AUTS2: variants seen among roughly 807,000 people sequenced by gnomAD.
AUTS2 encodes activator of transcription and developmental regulator AUTS2.
Under a neutral mutation model 112.4 loss-of-function variants are expected in AUTS2, and 17 were observed. The ratio of observed to expected loss-of-function variants is 0.15; its 90% CI spans 0.10 to 0.23. The LOEUF (loss-of-function observed/expected upper bound fraction) is 0.23. Ranked by LOEUF, AUTS2 falls within the 10% of genes least tolerant of loss-of-function variation. The pLI is 1.00. For missense variants in AUTS2, 1,510 were observed against 1,701.6 expected, an observed-to-expected ratio of 0.89 and a Z score of 1.98; for synonymous variants, 751 against 702.7, an observed-to-expected ratio of 1.07 and a Z score of -1.09.
intron 2 of AUTS2, among the ~76,000 whole-genome samples, chr7:70,027,539 G>C (rs541212664): frequency 6.6e-6 from 1 of 152,264 alleles, no homozygotes; most frequent in Non-Finnish European, 1.5e-5. Flanking sequence ...GGAAATGCCT[G>C]AACTAAACTT....
intron 6 of AUTS2, among the ~76,000 whole-genome samples, chr7:70,709,756 G>A (rs1040782397): frequency 1.9e-4 from 29 of 152,296 alleles, no homozygotes; most frequent in Middle Eastern, 3.4e-3. Flanking sequence ...AGAACCTGAC[G>A]CTTCTGCTGA....
chr7:70,026,899 A>G (rs1174343215), intron 2 of AUTS2, among the ~76,000 whole-genome samples: 1 of 152,068 alleles, frequency 6.6e-6, no homozygotes, highest in Admixed American at 6.6e-5. Context: ...TTACTGTGAT[A>G]CTATGTGCAG....
chr7:70,195,066 C>T (rs895461297), intron 4 of AUTS2, among the ~76,000 whole-genome samples: 10 of 152,232 alleles, frequency 6.6e-5, no homozygotes, highest in Middle Eastern at 3.4e-3. Context: ...ATGGCAGAAA[C>T]GCCATCTTAA....
intron 5 of AUTS2, among the ~76,000 whole-genome samples, chr7:70,600,388 G>A (rs1385990846): frequency 4.6e-5 from 7 of 152,000 alleles, no homozygotes; most frequent in African/African-American, 1.5e-4. Flanking sequence ...GGATTCTCTC[G>A]CCTCAGCCTC....
intron 4 of AUTS2, among the ~76,000 whole-genome samples, chr7:70,145,517 A>G (rs554505922): frequency 6.6e-6 from 1 of 152,304 alleles, no homozygotes; most frequent in South Asian, 2.1e-4. Context: ...AGGATATGCT[A>G]TAAAAGAAAT....
intron 4 of AUTS2, among the ~76,000 whole-genome samples, chr7:70,304,206 T>C (rs1198964918): frequency 6.6e-6 from 1 of 152,198 alleles, no homozygotes; most frequent in African/African-American, 2.4e-5. Flanking sequence ...CTTTAGCCAA[T>C]ATCATGAAAC....
chr7:70,655,539 G>A (rs772520756), intron 5 of AUTS2, among the ~76,000 whole-genome samples: 4 of 152,294 alleles, frequency 2.6e-5, no homozygotes, highest in Admixed American at 6.5e-5. Flanking sequence ...CGTGCTTTAC[G>A]GTAAGGGGGT....
intron 1 of AUTS2, among the ~76,000 whole-genome samples, chr7:69,849,553 A>G (rs1792365457): frequency 1.3e-5 from 2 of 152,122 alleles, no homozygotes; most frequent in Non-Finnish European, 1.5e-5. Flanking sequence ...ACCTCCTGGC[A>G]AGTACTAATC....
intron 2 of AUTS2, among the ~76,000 whole-genome samples, chr7:69,937,482 A>G (rs1430381614): frequency 1.3e-5 from 2 of 152,176 alleles, no homozygotes; most frequent in African/African-American, 2.4e-5. Flanking sequence ...AAGAGAGTAC[A>G]TATTGAATGT....
intron 4 of AUTS2, among the ~76,000 whole-genome samples, chr7:70,412,955 A>G (rs1041302051): frequency 6.6e-6 from 1 of 152,202 alleles, no homozygotes; most frequent in African/African-American, 2.4e-5. Context: ...GCACCACTGC[A>G]CTGCAGTCTG....
intron 1 of AUTS2, among the ~76,000 whole-genome samples, chr7:69,764,701 A>G (rs17353228): frequency 0.019 from 2,856 of 152,336 alleles, 40 homozygotes; most frequent in Non-Finnish European, 0.032. Context: ...TTCAGCATGC[A>G]GAAAATTGCA....
rs181301429 is a variant in AUTS2 at position 70,608,830 on chromosome 7, G to A, written c.691-89739G>A. Among the ~76,000 whole-genome samples the A allele has an allele frequency of 2.6e-3, 390 of 152,314 alleles. 1 individual carries two copies. The highest frequency in any genetic ancestry group is 8.1e-3 in the African/African-American group (336 of 41,566). On this transcript the variant is annotated intron_variant, in intron 5 of 18. Transcript: ENST00000342771. ...AGAACCACTGCATTTTTAATTTGGT[G>A]ACTTGCCCGATTAAATGCAATAAAG... is the stretch of plus-strand genomic sequence containing the variant.
chr7:70,525,349 C>T (rs1421779102), intron 5 of AUTS2, among the ~76,000 whole-genome samples: 1 of 152,202 alleles, frequency 6.6e-6, no homozygotes, highest in Non-Finnish European at 1.5e-5. Flanking sequence ...GAGGCCCTTT[C>T]CTTGTTAGCT....
intron 1 of AUTS2, among the ~76,000 whole-genome samples, chr7:69,841,597 A>C (rs983210002): frequency 1.3e-5 from 2 of 152,186 alleles, no homozygotes; most frequent in Non-Finnish European, 2.9e-5. Context: ...CAGACCAAAA[A>C]TGTGGGTCAT....
intron 2 of AUTS2, among the ~76,000 whole-genome samples, chr7:70,077,108 G>T (rs1457017671): frequency 6.6e-6 from 1 of 152,194 alleles, no homozygotes; most frequent in African/African-American, 2.4e-5. Context: ...GATTCAATAT[G>T]TAAATAGGAA....
intron 2 of AUTS2, among the ~76,000 whole-genome samples, chr7:70,071,850 G>A (rs1393571845): frequency 6.6e-6 from 1 of 152,214 alleles, no homozygotes; most frequent in East Asian, 1.9e-4. Context: ...AGAGGAGGCA[G>A]CCAGGGCTGT....
intron 5 of AUTS2, among the ~76,000 whole-genome samples, chr7:70,675,163 A>C (rs1275859992): frequency 1.3e-5 from 2 of 152,120 alleles, no homozygotes; most frequent in Non-Finnish European, 2.9e-5. Flanking sequence ...TTTATTGTGG[A>C]GAATGCCGGT....
intron 5 of AUTS2, among the ~76,000 whole-genome samples, chr7:70,617,894 C>A (rs977423362): frequency 5.3e-5 from 8 of 152,182 alleles, no homozygotes; most frequent in African/African-American, 1.9e-4. Context: ...TTACACACAA[C>A]AGAAAGAATT....
intron 2 of AUTS2, among the ~76,000 whole-genome samples, chr7:70,064,698 C>T (rs1449604560): frequency 6.6e-6 from 1 of 152,152 alleles, no homozygotes; most frequent in Non-Finnish European, 1.5e-5. Flanking sequence ...GTAGATAAGA[C>T]ACCTCCCAAA....
Sources: allele counts gnomAD v4.1 joint callset (sites outside exome capture counted in the v4.1 genomes callset), GRCh38; gene constraint gnomAD v4.1.1; transcripts MANE v1.5; gene names NCBI Gene and HGNC (gene_info 2026-07-23, HGNC 2026-07-21).